The following PACRGL variants were observed in gnomAD, a reference collection of about 807,000 sequenced individuals.
The protein encoded by PACRGL is PACRG-like protein.
Under a neutral mutation model 34.5 loss-of-function variants are expected in PACRGL, and 38 were observed. The ratio of observed to expected loss-of-function variants is 1.10; its 90% CI spans 0.85 to 1.44. The LOEUF is 1.44. Ranked by LOEUF, PACRGL falls within the 40% of genes most tolerant of loss-of-function variation. The pLI, the probability that PACRGL is intolerant of heterozygous loss-of-function variation, is 0.00. For missense variants in PACRGL, 305 were observed against 281.4 expected, an observed-to-expected ratio of 1.08 and a Z score of -0.60; for synonymous variants, 128 against 100.1, an observed-to-expected ratio of 1.28 and a Z score of -1.66.
chr4:20,732,597 C>A, downstream of PACRGL: 1 of 839,882 alleles, frequency 1.2e-6, no homozygotes, highest in Non-Finnish European at 2.0e-6. Flanking sequence ...CCTTTGCTCT[C>A]TTTTGAATCA....
intron 8 of PACRGL, among the ~76,000 whole-genome samples, chr4:20,746,608 G>A (rs1752480639): frequency 6.6e-6 from 1 of 152,062 alleles, no homozygotes; most frequent in Non-Finnish European, 1.5e-5. Context: ...ACAGAGCCAA[G>A]CCCTTTACTG....
At chr4:20,705,844 T>G (rs1294125172) in intron 3 of PACRGL, among the ~76,000 whole-genome samples, 1 of 149,614 alleles carries the variant, frequency 6.7e-6, no homozygotes. Context: ...GAAGTCAGAA[T>G]AATGTTCACC....
Position 20,727,346 on chromosome 4 carries a change from G to A in PACRGL, c.*5G>A, listed in dbSNP as rs765159207. 3.7e-6 allele frequency: 6 copies of A among 1,609,284 alleles called. No individual in the cohort carries two copies. The highest frequency in any genetic ancestry group is 2.2e-5 in the East Asian group (1 of 44,766). On this transcript the variant is annotated 3_prime_UTR_variant, in exon 9 of 9. Transcript: ENST00000503585. ...TACTGCTCCATATGCTGTTGAAGAAGGGAGCCAACAAAAATTGTTTTTTCT... is the reference window on the plus strand; with the variant it reads ...TACTGCTCCATATGCTGTTGAAGAAAGGAGCCAACAAAAATTGTTTTTTCT...
chr4:20,725,184 A>C (rs187955124), intron 8 of PACRGL, among the ~76,000 whole-genome samples: 102 of 152,220 alleles, frequency 6.7e-4, no homozygotes, highest in African/African-American at 2.3e-3. Flanking sequence ...TCTTAAAAGT[A>C]TTTTCAGTGG....
chr4:20,712,706 TTAAG>T (rs1737893381), intron 5 of PACRGL, 78 bp from the exon 6 acceptor site: 9 of 1,232,028 alleles, frequency 7.3e-6, no homozygotes, highest in Non-Finnish European at 8.5e-6. Context: ...TGATTTTTGT[TTAAG>T]CAAGTAAAGA....
chr4:20,721,421 G>A (rs1375948576), intron 7 of PACRGL, among the ~76,000 whole-genome samples: 1 of 152,074 alleles, frequency 6.6e-6, no homozygotes, highest in Non-Finnish European at 1.5e-5. Flanking sequence ...GAATTTTCAG[G>A]TTTTCTGCTC....
chr4:20,705,337 T>C (rs1345491321), intron 3 of PACRGL, among the ~76,000 whole-genome samples: 17 of 152,150 alleles, frequency 1.1e-4, no homozygotes. Flanking sequence ...CCAGGTGTTA[T>C]TTGCCCCATG....
upstream of PACRGL, among the ~76,000 whole-genome samples, chr4:20,696,995 T>TA (rs1731271380): frequency 6.6e-6 from 1 of 152,328 alleles, no homozygotes; most frequent in East Asian, 1.9e-4. Flanking sequence ...TTTCCACCTT[T>TA]AAAAAATATG....
chr4:20,725,000 T>A, intron 8 of PACRGL, 112 bp downstream of exon 8: 1 of 573,620 alleles, frequency 1.7e-6, no homozygotes, highest in Non-Finnish European at 2.7e-6. Flanking sequence ...CAGGTAACTA[T>A]GTGAAATTGA....
chr4:20,764,788 C>T, the PACRGL span, among the ~76,000 whole-genome samples: 1 of 152,040 alleles, frequency 6.6e-6, no homozygotes. Context: ...GACATTGAGG[C>T]GTTTGGACAG....
chr4:20,737,571 G>A (rs74878440), intron 8 of PACRGL, among the ~76,000 whole-genome samples: 2 of 152,160 alleles, frequency 1.3e-5, no homozygotes, highest in Non-Finnish European at 2.9e-5. Context: ...CTGCTTTGCA[G>A]GTGGGAAGAT....
chr4:20,755,057 C>A (rs1754269999), downstream of PACRGL, among the ~76,000 whole-genome samples: 1 of 152,084 alleles, frequency 6.6e-6, no homozygotes, highest in African/African-American at 2.4e-5. Flanking sequence ...ACAGTGAACT[C>A]ATTATAATCC....
At chr4:20,742,382 CT>C (rs1751339810) in intron 8 of PACRGL, among the ~76,000 whole-genome samples, 1 of 152,112 alleles carries the variant, frequency 6.6e-6, no homozygotes, top group Non-Finnish European at 1.5e-5. Flanking sequence ...ATCATTTTGG[CT>C]TCATCCCTGG....
intron 1 of PACRGL, among the ~76,000 whole-genome samples, chr4:20,701,094 T>C (rs1731961173): frequency 6.6e-6 from 1 of 152,200 alleles, no homozygotes; most frequent in Admixed American, 6.5e-5. Flanking sequence ...ATGGTTTCTT[T>C]AGTGGGGCTC....
chr4:20,700,743 A>G lies in PACRGL; in HGVS notation c.-61A>G, dbSNP rs1448388232. On this transcript the variant is annotated 5_prime_UTR_variant, in exon 1 of 9. Coordinates refer to ENST00000503585, the MANE Select transcript of PACRGL (RefSeq NM_001258345.3). ...GAGTGTACCCCTCCTTTCCTGGGGT[A>G]GAGGGTCAGTCGAGAGTAGCCTTCG... The G allele has an allele frequency of 6.6e-6, 1 of 152,198 alleles. No individual in the cohort carries two copies. The highest frequency in any genetic ancestry group is 2.4e-5 in the African/African-American group (1 of 41,450). The allele number at this position is 152,198 out of a possible 1,614,324, so 9.4% of individuals were successfully genotyped here. A position where few individuals can be genotyped will look rare whatever the true frequency, so the allele number is the denominator to read the frequency against.
rs566229012 is a variant in PACRGL at position 20,707,802 on chromosome 4, G to T, written c.208-1G>T. On this transcript the variant is annotated splice_acceptor_variant, in intron 3 of 8. Transcript: ENST00000503585. LOFTEE classifies it high-confidence loss of function. The stretch of plus-strand genomic sequence containing the variant: ...AGTAATATTTTCATTTTTTATTTTA[G>T]TTTGGTGAACAGTCACGAGTGCCTT... 2.5e-6 allele frequency: 4 copies of T among 1,612,640 alleles called. 1 individual carries two copies. The highest frequency in any genetic ancestry group is 3.4e-6 in the Non-Finnish European group (4 of 1,178,810).
chr4:20,697,075 T>C (rs1433141025), upstream of PACRGL, among the ~76,000 whole-genome samples: 1 of 152,226 alleles, frequency 6.6e-6, no homozygotes, highest in Non-Finnish European at 1.5e-5. Context: ...CTACCTTATA[T>C]GCTCACTCAT....
intron 1 of PACRGL, chr4:20,702,875 C>A (rs939713290): frequency 1.3e-5 from 2 of 152,140 alleles, no homozygotes; most frequent in African/African-American, 4.8e-5. Context: ...GGAAGTAAGT[C>A]ATCTGCTGGT....
intron 7 of PACRGL, among the ~76,000 whole-genome samples, chr4:20,716,412 G>T (rs1213579557): frequency 1.3e-5 from 2 of 151,814 alleles, no homozygotes; most frequent in African/African-American, 4.8e-5. Context: ...GGTTTGTTAC[G>T]TATGTATACG....
Sources: gnomAD v4.1 joint callset for allele counts (sites outside exome capture counted in the v4.1 genomes callset) on GRCh38, gnomAD v4.1.1 for gene constraint, MANE v1.5 for transcripts, NCBI Gene and HGNC (gene_info 2026-07-23, HGNC 2026-07-21) for gene names.